The following EPHA5 variants were observed in gnomAD, a reference collection of about 807,000 sequenced individuals.
The protein encoded by EPHA5 is ephrin type-A receptor 5.
A neutral mutation model predicts 105.0 loss-of-function variants in EPHA5; 60 were observed. The observed-to-expected ratio is 0.57, with a 90% CI of 0.46 to 0.71. The LOEUF (loss-of-function observed/expected upper bound fraction) is 0.71, where lower values mean the gene tolerates loss of function less well. Ranked by LOEUF, EPHA5 falls within the 30% of genes least tolerant of loss-of-function variation. The pLI, the probability that EPHA5 is intolerant of heterozygous loss-of-function variation, is 0.00. For synonymous variants in EPHA5, 513 were observed against 449.1 expected, an observed-to-expected ratio of 1.14 and a Z score of -1.80; for missense variants, 1,218 against 1,274.7, an observed-to-expected ratio of 0.96 and a Z score of 0.68.
intron 3 of EPHA5, among the ~76,000 whole-genome samples, chr4:65,505,115 T>G (rs1257796534): frequency 6.6e-6 from 1 of 152,014 alleles, no homozygotes; most frequent in African/African-American, 2.4e-5. Flanking sequence ...TTTAATTAGA[T>G]AAAGATTTGA....
chr4:65,443,003 G>A (rs57778158), intron 5 of EPHA5, among the ~76,000 whole-genome samples: 2 of 151,942 alleles, frequency 1.3e-5, no homozygotes, highest in South Asian at 2.1e-4. Flanking sequence ...CTTTAAAGTC[G>A]CTATTTGAAC....
At chr4:65,611,891 T>A (rs1248563823) in intron 2 of EPHA5, among the ~76,000 whole-genome samples, 1 of 151,434 alleles carries the variant, frequency 6.6e-6, no homozygotes, top group African/African-American at 2.4e-5. Flanking sequence ...CAAAGCAGTA[T>A]TAAAGACATT....
intron 3 of EPHA5, among the ~76,000 whole-genome samples, chr4:65,519,620 A>G (rs893677423): frequency 6.6e-6 from 1 of 152,190 alleles, no homozygotes; most frequent in Non-Finnish European, 1.5e-5. Flanking sequence ...TTGTATATTT[A>G]CAAAACCCCA....
intron 3 of EPHA5, among the ~76,000 whole-genome samples, chr4:65,508,932 G>T (rs1157689738): frequency 6.6e-6 from 1 of 152,064 alleles, no homozygotes; most frequent in Non-Finnish European, 1.5e-5. Context: ...GCATACAGTT[G>T]CTTTAAACTA....
At chr4:65,645,915 A>G (rs1362868520) in intron 1 of EPHA5, among the ~76,000 whole-genome samples, 3 of 152,152 alleles carry the variant, frequency 2.0e-5, no homozygotes, top group Non-Finnish European at 4.4e-5. Context: ...TAAAAAGGTA[A>G]TTACACATCC....
chr4:65,352,351 G>T (rs1222727007), intron 12 of EPHA5, among the ~76,000 whole-genome samples: 1 of 151,874 alleles, frequency 6.6e-6, no homozygotes, highest in East Asian at 1.9e-4. Context: ...TCCTACCAAT[G>T]GTAATGAGCA....
intron 3 of EPHA5, among the ~76,000 whole-genome samples, chr4:65,562,344 G>A (rs780408873): frequency 1.4e-4 from 21 of 151,868 alleles, no homozygotes; most frequent in Non-Finnish European, 2.6e-4. Context: ...CTTCTCAATT[G>A]TTTCTTTTGC....
intron 5 of EPHA5, among the ~76,000 whole-genome samples, chr4:65,482,356 A>G (rs2149191424): frequency 6.6e-6 from 1 of 152,168 alleles, no homozygotes; most frequent in Admixed American, 6.5e-5. Flanking sequence ...AGCTCAGAAG[A>G]TACTTTCTTC....
At chr4:65,508,403 C>A (rs115600066) in intron 3 of EPHA5, among the ~76,000 whole-genome samples, 2,239 of 152,174 alleles carry the variant, frequency 0.015, 26 homozygotes, top group Non-Finnish European at 0.024. Flanking sequence ...AAAGGATATG[C>A]AAGGTCTTGG....
At chr4:65,392,690 A>C (rs935743070) in intron 8 of EPHA5, among the ~76,000 whole-genome samples, 1 of 152,068 alleles carries the variant, frequency 6.6e-6, no homozygotes, top group Non-Finnish European at 1.5e-5. Flanking sequence ...CAAAAGGATT[A>C]TATTTGTTTA....
intron 4 of EPHA5, 105 bp downstream of exon 4, chr4:65,495,283 G>T (rs1731809565): frequency 1.7e-6 from 2 of 1,207,822 alleles, no homozygotes; most frequent in East Asian, 2.4e-5. Context: ...TAAACATTAT[G>T]TCTGTTTTAG....
At chr4:65,407,720 A>G (rs1315371802) in intron 7 of EPHA5, among the ~76,000 whole-genome samples, 1 of 150,946 alleles carries the variant, frequency 6.6e-6, no homozygotes, top group East Asian at 1.9e-4. Context: ...ATTATTTTAA[A>G]TTTACAATAT....
intron 8 of EPHA5, among the ~76,000 whole-genome samples, chr4:65,373,670 T>A (rs930481638): frequency 6.6e-6 from 1 of 151,940 alleles, no homozygotes; most frequent in Non-Finnish European, 1.5e-5. Flanking sequence ...ATTTATTATG[T>A]CTCTGATTTA....
At chr4:65,620,875 T>A (rs115188004) in intron 2 of EPHA5, among the ~76,000 whole-genome samples, 1 of 152,272 alleles carries the variant, frequency 6.6e-6, no homozygotes, top group Non-Finnish European at 1.5e-5. Context: ...TTTTTCCATA[T>A]GTGAGAAAAA....
At chr4:65,560,922 T>C (rs2149356924) in intron 3 of EPHA5, among the ~76,000 whole-genome samples, 1 of 152,164 alleles carries the variant, frequency 6.6e-6, no homozygotes, top group East Asian at 1.9e-4. Context: ...AATGCTCAAG[T>C]AACTTTTTGA....
At position 65,322,734 on chromosome 4, in the gene EPHA5, A is replaced by G. The variant is rs942754574; in HGVS notation, c.*1380T>C. 4 of 226,400 alleles carry G rather than the reference A, an allele frequency of 1.8e-5. No homozygotes were observed. The highest frequency in any genetic ancestry group is 8.9e-5 in the African/African-American group (4 of 44,930). The allele number at this position is 226,400 out of a possible 1,614,324, so 14.0% of individuals were successfully genotyped here. A position where few individuals can be genotyped will look rare whatever the true frequency, so the allele number is the denominator to read the frequency against. On this transcript the variant is annotated 3_prime_UTR_variant, in exon 17 of 17. Transcript: ENST00000613740. ...ACTCAAAGCCATGTAACTGAATACAAACTGAAATTAACAAATGAATAAACA... is the reference window on the plus strand; with the variant it reads ...ACTCAAAGCCATGTAACTGAATACAGACTGAAATTAACAAATGAATAAACA...
chr4:65,333,485 G>T (rs557568109), intron 15 of EPHA5, among the ~76,000 whole-genome samples: 4 of 150,474 alleles, frequency 2.7e-5, no homozygotes, highest in Non-Finnish European at 5.9e-5. Context: ...ATCTTACTCT[G>T]TCTGAACATT....
intron 8 of EPHA5, among the ~76,000 whole-genome samples, chr4:65,377,597 C>T (rs1342775137): frequency 1.3e-5 from 2 of 151,890 alleles, no homozygotes; most frequent in African/African-American, 2.4e-5. Context: ...TTATTGAAGC[C>T]TACCAATTTA....
chr4:65,413,070 T>C (rs1378112463), intron 7 of EPHA5, among the ~76,000 whole-genome samples: 1 of 152,134 alleles, frequency 6.6e-6, no homozygotes, highest in Non-Finnish European at 1.5e-5. Flanking sequence ...CATACCTTTT[T>C]TCCTACATCC....
Sources: gnomAD v4.1 joint callset for allele counts (sites outside exome capture counted in the v4.1 genomes callset) on GRCh38, gnomAD v4.1.1 for gene constraint, MANE v1.5 for transcripts, NCBI Gene and HGNC (gene_info 2026-07-23, HGNC 2026-07-21) for gene names.